Variants in RIT2 observed in about 807,000 individuals in gnomAD.
RIT2 encodes the protein GTP-binding protein Rit2.
A neutral mutation model predicts 23.7 loss-of-function variants in RIT2; 24 were observed. The observed-to-expected ratio is 1.01, with a 90% confidence interval of 0.73 to 1.43. RIT2 has a LOEUF of 1.43. Ranked by LOEUF, RIT2 falls within the 40% of genes most tolerant of loss-of-function variation. The pLI is 0.00. For synonymous variants in RIT2, 107 were observed against 91.1 expected (o/e 1.17, Z -0.99); for missense variants, 236 against 266.9 (o/e 0.88, Z 0.81).
chr18:43,038,313 G>GTTT (rs71175933), intron 1 of RIT2, among the ~76,000 whole-genome samples: 1 of 136,818 alleles, frequency 7.3e-6, no homozygotes, highest in Non-Finnish European at 1.6e-5. Flanking sequence ...TTGAATCGTG[G>GTTT]TTTTTTTTTT....
chr18:42,757,411 A>G (rs967321864), intron 4 of RIT2, among the ~76,000 whole-genome samples: 3 of 152,202 alleles, frequency 2.0e-5, no homozygotes, highest in African/African-American at 7.2e-5. Context: ...GGAAAGCTCA[A>G]GGTTCCCCAG....
At chr18:43,068,527 A>G (rs1391217107) in intron 1 of RIT2, among the ~76,000 whole-genome samples, 1 of 152,154 alleles carries the variant, frequency 6.6e-6, no homozygotes, top group Non-Finnish European at 1.5e-5. Flanking sequence ...AGAGAGATCC[A>G]TAGCAAACCA....
At chr18:42,906,461 G>A (rs1462436291) in intron 4 of RIT2, among the ~76,000 whole-genome samples, 1 of 151,988 alleles carries the variant, frequency 6.6e-6, no homozygotes, top group Non-Finnish European at 1.5e-5. Context: ...TACAATAAAA[G>A]GGTCTTTTTT....
At chr18:42,755,893 G>A (rs968927753) in intron 4 of RIT2, among the ~76,000 whole-genome samples, 7 of 152,158 alleles carry the variant, frequency 4.6e-5, no homozygotes, top group Admixed American at 2.6e-4. Flanking sequence ...CCCTGTCTTA[G>A]TGGTTCTCAG....
intron 4 of RIT2, among the ~76,000 whole-genome samples, chr18:42,889,497 A>G (rs1225421425): frequency 6.6e-6 from 1 of 152,070 alleles, no homozygotes; most frequent in Non-Finnish European, 1.5e-5. Flanking sequence ...ATAGATATTT[A>G]ATTTCTTGAC....
At chr18:42,921,620 GC>G (rs1179850380) in intron 4 of RIT2, among the ~76,000 whole-genome samples, 2 of 152,112 alleles carry the variant, frequency 1.3e-5, no homozygotes, top group Admixed American at 6.6e-5. Flanking sequence ...GTCATGAAGA[GC>G]AATCATTGTA....
chr18:42,854,262 GAGA>G (rs1371312187), intron 4 of RIT2, among the ~76,000 whole-genome samples: 2 of 152,148 alleles, frequency 1.3e-5, no homozygotes, highest in Admixed American at 1.3e-4. Flanking sequence ...CAATAGGTCA[GAGA>G]AGAAGATGAT....
intron 2 of RIT2, among the ~76,000 whole-genome samples, chr18:43,003,593 G>T (rs1034560658): frequency 6.6e-6 from 1 of 151,684 alleles, no homozygotes; most frequent in South Asian, 2.1e-4. Flanking sequence ...AATTGACTCT[G>T]GTACCAATGT....
chr18:43,107,659 TTCTC>T (rs1260666360), intron 1 of RIT2, among the ~76,000 whole-genome samples: 1 of 152,126 alleles, frequency 6.6e-6, no homozygotes, highest in African/African-American at 2.4e-5. Flanking sequence ...AATTGTCACC[TTCTC>T]TCTATGTGGT....
chr18:42,905,369 G>A (rs775582523), intron 4 of RIT2, among the ~76,000 whole-genome samples: 10 of 152,148 alleles, frequency 6.6e-5, no homozygotes, highest in Non-Finnish European at 1.3e-4. Context: ...AAAACTTGCT[G>A]TATATATGTG....
chr18:42,976,945 T>C (rs184908005), intron 2 of RIT2, among the ~76,000 whole-genome samples: 163 of 152,138 alleles, frequency 1.1e-3, no homozygotes, highest in African/African-American at 3.7e-3. Flanking sequence ...TAGTGACTAA[T>C]TGTGTGAGAA....
chr18:42,762,522 G>C (rs772216572), intron 4 of RIT2, among the ~76,000 whole-genome samples: 4 of 152,084 alleles, frequency 2.6e-5, no homozygotes, highest in Non-Finnish European at 5.9e-5. Flanking sequence ...AGATATTAAA[G>C]GTTTTTTAAA....
At chr18:42,959,927 A>G (rs759469277) in intron 3 of RIT2, among the ~76,000 whole-genome samples, 4 of 152,244 alleles carry the variant, frequency 2.6e-5, no homozygotes, top group Non-Finnish European at 5.9e-5. Context: ...TAAACGTAGT[A>G]TGGGTAAAAT....
At chr18:42,765,987 GC>G (rs1372595092) in intron 4 of RIT2, among the ~76,000 whole-genome samples, 6 of 152,136 alleles carry the variant, frequency 3.9e-5, no homozygotes, top group African/African-American at 1.4e-4. Flanking sequence ...TTCACCTCCT[GC>G]CATGATTCTG....
At chr18:42,847,569 G>A (rs149040143) in intron 4 of RIT2, among the ~76,000 whole-genome samples, 239 of 152,050 alleles carry the variant, frequency 1.6e-3, no homozygotes, top group African/African-American at 5.0e-3. Flanking sequence ...AGATGGTTGC[G>A]TCATCTGTCA....
intron 2 of RIT2, among the ~76,000 whole-genome samples, chr18:43,019,494 G>T (rs1489827638): frequency 2.0e-5 from 3 of 150,886 alleles, no homozygotes; most frequent in Non-Finnish European, 4.4e-5. Context: ...ATCCCTTCAT[G>T]ACAAAAAAAA....
chr18:42,878,293 A>G (rs2144074306), intron 4 of RIT2, among the ~76,000 whole-genome samples: 1 of 151,646 alleles, frequency 6.6e-6, no homozygotes, highest in Admixed American at 6.6e-5. Flanking sequence ...TATGTTATAT[A>G]TAATATATTG....
At chr18:43,016,952 T>A (rs917983854) in intron 2 of RIT2, among the ~76,000 whole-genome samples, 4 of 151,956 alleles carry the variant, frequency 2.6e-5, no homozygotes, top group Non-Finnish European at 4.4e-5. Flanking sequence ...CCATGGCTAA[T>A]AACAAAGCTC....
At chr18:42,877,495 T>C (rs2144073043) in intron 4 of RIT2, among the ~76,000 whole-genome samples, 1 of 148,014 alleles carries the variant, frequency 6.8e-6, no homozygotes, top group East Asian at 2.0e-4. Flanking sequence ...AAAAAATGCT[T>C]ATCTCTGTTT....
Sources: allele counts gnomAD v4.1 joint callset (sites outside exome capture counted in the v4.1 genomes callset), GRCh38; gene constraint gnomAD v4.1.1; transcripts MANE v1.5; gene names NCBI Gene and HGNC (gene_info 2026-07-23, HGNC 2026-07-21).